The following DCTN1 variants were observed in gnomAD, a reference collection of about 807,000 sequenced individuals.
DCTN1 encodes dynactin subunit 1, also known as 150 kDa dynein-associated polypeptide.
In DCTN1, 61 loss-of-function variants were observed where a neutral mutation model predicts 161.2. The ratio of observed to expected loss-of-function variants is 0.38; its 90% CI spans 0.31 to 0.47. DCTN1 has a LOEUF of 0.47. Ranked by LOEUF, DCTN1 falls within the 20% of genes least tolerant of loss-of-function variation. The pLI is 0.99. For missense variants in DCTN1, 1,404 were observed against 1,623.7 expected (o/e 0.86, Z 2.33); for synonymous variants, 653 against 632.4 (o/e 1.03, Z -0.49).
At chr2:74,362,181 AC>A (rs752298394) in intron 30 of DCTN1, 40 bp from the exon 31 acceptor site, 3 of 1,590,090 alleles carry the variant, frequency 1.9e-6, no homozygotes, top group African/African-American at 2.7e-5. Context: ...CATTTATGGG[AC>A]CCCCACAGGC....
chr2:74,376,823 G>A, intron 4 of DCTN1, 61 bp from the exon 5 acceptor site: 1 of 1,526,956 alleles, frequency 6.5e-7, no homozygotes, highest in Middle Eastern at 1.7e-4. Context: ...TAGGTGTTAA[G>A]ACCAACTCGG....
chr2:74,366,824 CTGTCCCTGGCA>C lies in DCTN1; in HGVS notation c.2414_2424del (p.Met805ArgfsTer17), dbSNP rs773858235. 6.2e-7 allele frequency: 1 copy of C among 1,614,160 alleles called. No homozygotes were observed. The highest frequency in any genetic ancestry group is 8.5e-7 in the Non-Finnish European group (1 of 1,180,052). On this transcript the variant is annotated frameshift_variant, in exon 21 of 32. Transcript: ENST00000628224. LOFTEE classifies it high-confidence loss of function. Reference sequence around the variant, plus strand: ...AGTGCAGCTGGGATCCCAGGAGCATCTGTCCCTGGCATTCGCCTTCGGATCTTCTTGCAGAA... The same window carrying C: ...AGTGCAGCTGGGATCCCAGGAGCATCTTCGCCTTCGGATCTTCTTGCAGAA...
intron 6 of DCTN1, 34 bp from the exon 7 acceptor site, chr2:74,372,982 T>G (rs963292787): frequency 6.2e-7 from 1 of 1,611,252 alleles, no homozygotes; most frequent in South Asian, 1.1e-5. Flanking sequence ...AGAGAAGTAG[T>G]CAGGAAAGAA....
At chr2:74,376,216 T>G (rs1675215480) in intron 5 of DCTN1, among the ~76,000 whole-genome samples, 1 of 151,928 alleles carries the variant, frequency 6.6e-6, no homozygotes. Context: ...GGGGCAGAGT[T>G]GTGGGGTGTG....
At position 74,368,354 on chromosome 2, in the gene DCTN1, G is replaced by C. The variant is rs139004062; in HGVS notation, c.1855-223C>G. 4.6e-6 allele frequency: 3 copies of C among 647,914 alleles called. No individual in the cohort carries two copies. In the East Asian group the frequency reaches 8.4e-5, roughly 18 times the overall value. 40.1% of individuals were successfully genotyped at this position (647,914 alleles called of 1,614,324 possible). Reference sequence around the variant, plus strand: ...CAGGATGTGAAAATGAAAGGGTAGTGGGACCGGTGGAATCAAGGTCTTTCC... The same window carrying C: ...CAGGATGTGAAAATGAAAGGGTAGTCGGACCGGTGGAATCAAGGTCTTTCC... On this transcript the variant is annotated intron_variant, in intron 16 of 31. Transcript: ENST00000628224.
Position 74,363,455 on chromosome 2 carries a change from G to A in DCTN1, c.3212-28C>T, listed in dbSNP as rs779548687. On this transcript the variant is annotated intron_variant, in intron 27 of 31. Transcript: ENST00000628224. Reference sequence around the variant, plus strand: ...GTGGGGACCATAAAAAATCTCATCAGCCCCAAGTGGAAAGGGTTGAAAATT... The same window carrying A: ...GTGGGGACCATAAAAAATCTCATCAACCCCAAGTGGAAAGGGTTGAAAATT... 3.7e-6 allele frequency: 6 copies of A among 1,610,668 alleles called. 1 individual carries two copies. In the Middle Eastern group the frequency reaches 6.3e-4, roughly 169 times the overall value.
chr2:74,380,615 C>A (rs1259510790), upstream of DCTN1: 2 of 470,188 alleles, frequency 4.3e-6, no homozygotes, highest in African/African-American at 4.0e-5. Context: ...AAGGGTCTCT[C>A]ATCTACCTTT....
At chr2:74,374,663 T>G in intron 5 of DCTN1, 1 of 1,208,044 alleles carries the variant, frequency 8.3e-7, no homozygotes, top group Non-Finnish European at 1.0e-6. Flanking sequence ...GATGGCAGCC[T>G]CAGTGGCCGC....
upstream of DCTN1, among the ~76,000 whole-genome samples, chr2:74,384,785 C>G (rs1005254040): frequency 6.6e-5 from 10 of 152,352 alleles, no homozygotes; most frequent in African/African-American, 2.4e-4. Flanking sequence ...ACCCAACTGT[C>G]TGCTTTCCCT....
Position 74,361,622 on chromosome 2 carries a change from C to T in DCTN1, c.3714G>A (p.Gln1238=). The part of the protein sequence containing the change: ...SSAFLRAKEE[Q]QDDTVYMGKV... The stretch of plus-strand genomic sequence containing the variant: ...TGCCCATGTAGACTGTGTCATCCTG[C>T]TGCTCCTCCTTGGCCTGGTGGTTGA... The change falls in exon 32 of 32, where the codon CAG becomes CAA. Residue 1238 remains glutamine (Q), a synonymous_variant. Transcript: ENST00000628224. The T allele has an allele frequency of 1.2e-6, 2 of 1,614,170 alleles. No individual in the cohort carries two copies. The highest frequency in any genetic ancestry group is 8.5e-7 in the Non-Finnish European group (1 of 1,180,022).
At position 74,371,542 on chromosome 2, in the gene DCTN1, A is replaced by G; in HGVS notation, c.640T>C (p.Ser214Pro). Residue 214 changes from serine (S) to proline (P), a missense_variant, in exon 8 of 32, where the codon TCC becomes CCC. Ser to Pro is a moderately conservative substitution (Grantham distance 74, BLOSUM62 -1). Transcript: ENST00000628224. Reference protein sequence around the residue: ...PGAVPPLPSPSKEEEGLRAQV... With the variant: ...PGAVPPLPSPPKEEEGLRAQV... ...ACCCCTACCCCAGGCCTTACCTTGG[A>G]TGGGGAAGGAAGCGGGGGGACTGCT... is the stretch of plus-strand genomic sequence containing the variant. The G allele has an allele frequency of 6.4e-7, 1 of 1,571,872 alleles. No homozygotes were observed. Among genetic ancestry groups the G allele is most frequent in the Non-Finnish European group, 8.6e-7 (1 of 1,158,802 alleles).
Position 74,362,047 on chromosome 2 carries a change from C to A in DCTN1, c.3699+5G>T. On this transcript the variant is annotated splice_donor_5th_base_variant and intron_variant, in intron 31 of 31. Coordinates refer to ENST00000628224, the MANE Select transcript of DCTN1 (RefSeq NM_004082.5). ...TCCCATCCTCCACCCCATGCTCCCC[C>A]TCACCCTGAGGAAGGCTGATGAAGG... 1 of 1,613,520 alleles carries A rather than the reference C, an allele frequency of 6.2e-7. No individual in the cohort carries two copies. Among genetic ancestry groups the A allele is most frequent in the South Asian group, 1.1e-5 (1 of 91,046 alleles).
intron 8 of DCTN1, 158 bp from the exon 9 acceptor site, chr2:74,371,334 C>A (rs1443728025): frequency 6.6e-7 from 1 of 1,516,356 alleles, no homozygotes; most frequent in Non-Finnish European, 9.0e-7. Context: ...AACCGTAGCA[C>A]AGTATATATG....
intron 28 of DCTN1, 48 bp from the exon 29 acceptor site, chr2:74,363,225 CT>C: frequency 6.2e-7 from 1 of 1,614,086 alleles, no homozygotes; most frequent in Non-Finnish European, 8.5e-7. Flanking sequence ...TAGGAGGCCC[CT>C]GTCATCTATC....
At chr2:74,367,553 C>T in intron 18 of DCTN1, 133 bp from the exon 19 acceptor site, 1 of 1,474,222 alleles carries the variant, frequency 6.8e-7, no homozygotes, top group Non-Finnish European at 9.4e-7. Flanking sequence ...CAAGCAGCTG[C>T]ATCATATGGA....
chr2:74,391,808 G>A (rs890686653), exon 1 of DCTN1: 8 of 453,776 alleles, frequency 1.8e-5, no homozygotes, highest in African/African-American at 6.0e-5. Flanking sequence ...ACTGTGAGGG[G>A]CTCCGCGCCC....
At chr2:74,373,036 G>T in intron 6 of DCTN1, 88 bp from the exon 7 acceptor site, 1 of 1,266,434 alleles carries the variant, frequency 7.9e-7, no homozygotes, top group East Asian at 2.3e-5. Context: ...ACAGCAATGA[G>T]AGCAGAAGAA....
chr2:74,376,600 G>T, intron 5 of DCTN1, 142 bp downstream of exon 5: 1 of 803,548 alleles, frequency 1.2e-6, no homozygotes. Flanking sequence ...AAGGAACTCT[G>T]AAAGCCAAGG....
chr2:74,382,684 A>G (rs1675563513), upstream of DCTN1, among the ~76,000 whole-genome samples: 1 of 152,082 alleles, frequency 6.6e-6, no homozygotes, highest in Non-Finnish European at 1.5e-5. Context: ...TGGTATATAC[A>G]TCTACACAAT....
Sources: allele counts gnomAD v4.1 joint callset (sites outside exome capture counted in the v4.1 genomes callset), GRCh38; gene constraint gnomAD v4.1.1; transcripts MANE v1.5; gene names NCBI Gene and HGNC (gene_info 2026-07-23, HGNC 2026-07-21).